The following RAE1 variants were observed in gnomAD, a reference collection of about 807,000 sequenced individuals.
The protein encoded by RAE1 is mRNA export factor RAE1.
Under a neutral mutation model 52.7 loss-of-function variants are expected in RAE1, and 13 were observed. That is an observed-to-expected ratio of 0.25 (90% CI 0.16 to 0.39). The LOEUF (loss-of-function observed/expected upper bound fraction) is 0.39. Ranked by LOEUF, RAE1 falls within the 10% of genes least tolerant of loss-of-function variation. RAE1 has a pLI of 1.00. For synonymous variants in RAE1, 164 were observed against 153.1 expected, an observed-to-expected ratio of 1.07 and a Z score of -0.52; for missense variants, 262 against 459.8, an observed-to-expected ratio of 0.57 and a Z score of 3.93.
chr20:57,352,951 A>G (rs1160800482), intron 1 of RAE1, among the ~76,000 whole-genome samples: 2 of 152,230 alleles, frequency 1.3e-5, no homozygotes, highest in African/African-American at 4.8e-5. Context: ...GTTCACTAAA[A>G]TGTACATGTG....
At chr20:57,375,818 C>G (rs937034545) in intron 11 of RAE1, among the ~76,000 whole-genome samples, 1 of 152,220 alleles carries the variant, frequency 6.6e-6, no homozygotes, top group Admixed American at 6.5e-5. Flanking sequence ...GTCACTCACC[C>G]GTCCCTTCCT....
chr20:57,364,102 G>A (rs1320324183), intron 4 of RAE1, among the ~76,000 whole-genome samples: 1 of 152,208 alleles, frequency 6.6e-6, no homozygotes, highest in East Asian at 1.9e-4. Context: ...AGGCACAGGG[G>A]CGCTAAAGAC....
In RAE1 at chr20:57,351,320, T is replaced by A; in HGVS notation, c.-110T>A. On this transcript the variant is annotated 5_prime_UTR_variant, in exon 1 of 12. Coordinates refer to ENST00000395841, the MANE Select transcript of RAE1 (RefSeq NM_003610.4). ...GGAGGCTTCGGGCTCCTGGGATTTC[T>A]GTCCGCGCTCCTGGCCCTCGTCCTT... 1 of 985,492 alleles carries A rather than the reference T, an allele frequency of 1.0e-6. No individual in the cohort carries two copies. The highest frequency in any genetic ancestry group is 1.2e-6 in the Non-Finnish European group (1 of 829,972). The allele number at this position is 985,492 out of a possible 1,614,324, so 61.0% of individuals were successfully genotyped here.
chr20:57,371,754 C>G (rs531956867), intron 8 of RAE1: 2 of 152,330 alleles, frequency 1.3e-5, no homozygotes, highest in South Asian at 2.1e-4. Context: ...ACCTGTACTG[C>G]TAGTGTTCCT....
intron 1 of RAE1, chr20:57,352,089 G>A: frequency 1.5e-6 from 1 of 681,770 alleles, no homozygotes; most frequent in Non-Finnish European, 1.8e-6. Context: ...TGGAAGATTA[G>A]ATATGTTAAA....
intron 4 of RAE1, chr20:57,358,565 A>C: frequency 6.4e-6 from 1 of 155,280 alleles, no homozygotes. Flanking sequence ...AGTAGGAGGA[A>C]TGTTAAGTAG....
chr20:57,374,544 G>A (rs533193379), intron 10 of RAE1, 63 bp from the exon 11 acceptor site: 12 of 1,444,300 alleles, frequency 8.3e-6, no homozygotes, highest in South Asian at 6.4e-5. Flanking sequence ...GGAAGTGTGC[G>A]TGGGTGGAAC....
chr20:57,374,326 G>C (rs1466868766), intron 10 of RAE1, among the ~76,000 whole-genome samples: 1 of 152,180 alleles, frequency 6.6e-6, no homozygotes, highest in Admixed American at 6.5e-5. Context: ...TGAGAAATCT[G>C]TTTGCTCAAA....
intron 3 of RAE1, 135 bp downstream of exon 3, chr20:57,354,951 G>A: frequency 1.7e-6 from 1 of 601,952 alleles, no homozygotes; most frequent in South Asian, 2.6e-5. Flanking sequence ...TCAATTTAGG[G>A]GGTGTGAACC....
intron 1 of RAE1, chr20:57,351,764 A>G (rs1317623449): frequency 1.0e-5 from 10 of 985,402 alleles, no homozygotes; most frequent in Non-Finnish European, 1.2e-5. Flanking sequence ...GCCGCTTTGC[A>G]GAAGGGCGTC....
chr20:57,374,621 G>T lies in RAE1; in HGVS notation c.840G>T (p.Ala280=). Residue 280 remains alanine, a synonymous_variant, in exon 11 of 12, where the codon GCG becomes GCT. Coordinates refer to ENST00000395841, the MANE Select transcript of RAE1 (RefSeq NM_003610.4). The part of the protein sequence containing the change: ...PQDIYAVNGI[A]FHPVHGTLAT... Reference sequence around the variant, plus strand: ...AATCCTTGCAGGTAAATGGAATCGCGTTCCATCCTGTTCATGGCACCCTTG... The same window carrying T: ...AATCCTTGCAGGTAAATGGAATCGCTTTCCATCCTGTTCATGGCACCCTTG... The T allele has an allele frequency of 6.2e-7, 1 of 1,613,316 alleles. No homozygotes were observed. Among genetic ancestry groups the T allele is most frequent in the Non-Finnish European group, 8.5e-7 (1 of 1,179,552 alleles).
chr20:57,355,732 C>T (rs1022159716), intron 3 of RAE1, among the ~76,000 whole-genome samples: 2 of 152,142 alleles, frequency 1.3e-5, no homozygotes, highest in Non-Finnish European at 2.9e-5. Context: ...TTTGGAAAAG[C>T]TTTTGAACTG....
At chr20:57,356,305 C>T (rs2066785701) in intron 3 of RAE1, 141 bp from the exon 4 acceptor site, 3 of 562,028 alleles carry the variant, frequency 5.3e-6, no homozygotes, top group South Asian at 3.0e-5. Flanking sequence ...TATTTTAATT[C>T]CTTTGTTCTT....
rs750519592 is a variant in RAE1, at chr20:57,368,708, T to A, written c.538T>A (p.Tyr180Asn). The A allele has an allele frequency of 1.2e-6, 2 of 1,608,214 alleles. No homozygotes were observed. Among genetic ancestry groups the A allele is most frequent in the Admixed American group, 1.7e-5 (1 of 59,974 alleles). Residue 180 changes from tyrosine (Y) to asparagine (N), a missense_variant, in exon 8 of 12, where the codon TAC (tyrosine) becomes AAC (asparagine). By Grantham distance (143) the Tyr-to-Asn change is moderately radical (BLOSUM62 -2). Coordinates refer to ENST00000395841, the MANE Select transcript of RAE1 (RefSeq NM_003610.4). ...PERCYCADVI[Y>N]PMAVVATAER... ...TCTGTTTTCTTCCATTCCCTAGATA[T>A]ACCCCATGGCTGTGGTGGCAACTGC...
intron 4 of RAE1, among the ~76,000 whole-genome samples, chr20:57,363,511 TAAAA>T (rs1196359557): frequency 5.9e-5 from 9 of 151,408 alleles, no homozygotes; most frequent in Non-Finnish European, 7.4e-5. Flanking sequence ...TCTCAAAAAA[TAAAA>T]AAAATTATCT....
chr20:57,373,940 C>T (rs1036676455), intron 10 of RAE1, among the ~76,000 whole-genome samples: 2 of 152,212 alleles, frequency 1.3e-5, no homozygotes, highest in Admixed American at 1.3e-4. Flanking sequence ...GTCGCCCAGG[C>T]TGGAGTGCAG....
chr20:57,367,894 GTT>G (rs2066980712), intron 7 of RAE1, among the ~76,000 whole-genome samples: 1 of 151,182 alleles, frequency 6.6e-6, no homozygotes, highest in Non-Finnish European at 1.5e-5. Flanking sequence ...TGTTTTTTTT[GTT>G]TGTTTGGTTT....
At chr20:57,377,459 C>T (rs754127985) in intron 11 of RAE1, among the ~76,000 whole-genome samples, 12 of 152,216 alleles carry the variant, frequency 7.9e-5, no homozygotes, top group Admixed American at 1.3e-4. Context: ...ATCCTGATTT[C>T]GGGGGTCTTT....
intron 11 of RAE1, among the ~76,000 whole-genome samples, chr20:57,375,657 G>C (rs1212885878): frequency 2.0e-5 from 3 of 152,188 alleles, no homozygotes; most frequent in African/African-American, 7.2e-5. Context: ...TATCGAGAGA[G>C]TGGTGTCAGC....
Sources: gnomAD v4.1 joint callset for allele counts (sites outside exome capture counted in the v4.1 genomes callset) on GRCh38, gnomAD v4.1.1 for gene constraint, MANE v1.5 for transcripts, NCBI Gene and HGNC (gene_info 2026-07-23, HGNC 2026-07-21) for gene names.